The following PLEKHG1 variants were observed in gnomAD, a reference collection of about 807,000 sequenced individuals.
The protein encoded by PLEKHG1 is pleckstrin homology domain-containing family G member 1.
PLEKHG1 carries 44 observed loss-of-function variants against 100.8 expected under a neutral mutation model. The observed-to-expected ratio is 0.44, with a 90% confidence interval of 0.34 to 0.56. PLEKHG1 has a LOEUF of 0.56. Ranked by LOEUF, PLEKHG1 falls within the 20% of genes least tolerant of loss-of-function variation. The pLI is 0.01. For missense variants in PLEKHG1, 1,545 were observed against 1,720.9 expected (o/e 0.90, Z 1.81); for synonymous variants, 640 against 662.5 (o/e 0.97, Z 0.52).
chr6:150,715,988 G>A (rs1469867334), intron 3 of PLEKHG1, among the ~76,000 whole-genome samples: 2 of 148,900 alleles, frequency 1.3e-5, no homozygotes, highest in Non-Finnish European at 3.0e-5. Context: ...GGCGCCTGTA[G>A]TCCCAGCTAC....
chr6:150,795,731 A>C lies in PLEKHG1; in HGVS notation c.583-125A>C, dbSNP rs182888515. 2,706 of 404,996 alleles carry C rather than the reference A, an allele frequency of 6.7e-3. 13 individuals carry two copies. The highest frequency in any genetic ancestry group is 0.014 in the South Asian group (178 of 12,388). The allele number at this position is 404,996 out of a possible 1,614,324, so 25.1% of individuals were successfully genotyped here. On this transcript the variant is annotated intron_variant, in intron 4 of 15. Transcript: ENST00000358517. ...GAGCAAAACTCCGCCTAAAAAAAAA[A>C]ACAAAAAACATATATATATATATAT...
chr6:150,821,112 A>AATCT lies in PLEKHG1; in HGVS notation c.1409-83_1409-82insATCT. 7.7e-6 allele frequency: 8 copies of AATCT among 1,043,640 alleles called. No individual in the cohort carries two copies. The South Asian group carries it at 1.1e-4, about 14-fold the overall frequency. The allele number at this position is 1,043,640 out of a possible 1,614,324, so 64.6% of individuals were successfully genotyped here. ...TATAGAGCTCTGTTAATCTGTCAAT[A>AATCT]GGCTCATAATCCTCTTATAAAGAAT... On this transcript the variant is annotated intron_variant, in intron 12 of 15. Transcript: ENST00000358517.
At chr6:150,807,693 G>A (rs966538426) in intron 7 of PLEKHG1, among the ~76,000 whole-genome samples, 1 of 152,128 alleles carries the variant, frequency 6.6e-6, no homozygotes, top group South Asian at 2.1e-4. Flanking sequence ...TAAGATCTAG[G>A]CCAGGCGCCG....
chr6:150,839,534 A>G (rs1208264500), intron 15 of PLEKHG1, among the ~76,000 whole-genome samples: 1 of 152,206 alleles, frequency 6.6e-6, no homozygotes, highest in East Asian at 1.9e-4. Flanking sequence ...GCTTATAAAG[A>G]ACACTAGAAA....
At chr6:150,609,555 G>A (rs562894783) in intron 1 of PLEKHG1, among the ~76,000 whole-genome samples, 43 of 152,252 alleles carry the variant, frequency 2.8e-4, no homozygotes, top group African/African-American at 8.9e-4. Context: ...GGAGAAGCAG[G>A]CATGGCTGGG....
intron 15 of PLEKHG1, among the ~76,000 whole-genome samples, chr6:150,833,708 T>C (rs768852971): frequency 6.6e-6 from 1 of 152,216 alleles, no homozygotes; most frequent in Non-Finnish European, 1.5e-5. Flanking sequence ...GCCTTTCAAA[T>C]AGTATGCCCT....
upstream of PLEKHG1, among the ~76,000 whole-genome samples, chr6:150,717,005 C>T (rs114547523): frequency 6.8e-3 from 1,039 of 152,072 alleles, 9 homozygotes; most frequent in African/African-American, 0.024. Flanking sequence ...ACATACACCA[C>T]CCTGCCCAGC....
At chr6:150,821,878 G>A (rs1264135355) in intron 13 of PLEKHG1, among the ~76,000 whole-genome samples, 2 of 148,590 alleles carry the variant, frequency 1.3e-5, no homozygotes, top group Non-Finnish European at 3.0e-5. Context: ...TCTTGCTCTT[G>A]TTGCCCAGGC....
chr6:150,738,107 C>A (rs1230471921), intron 2 of PLEKHG1, among the ~76,000 whole-genome samples: 4 of 152,066 alleles, frequency 2.6e-5, no homozygotes, highest in Non-Finnish European at 5.9e-5. Context: ...AGCCACTGAG[C>A]CCAGCCTTAG....
intron 1 of PLEKHG1, among the ~76,000 whole-genome samples, chr6:150,732,001 G>C (rs1039636398): frequency 7.2e-6 from 1 of 139,110 alleles, no homozygotes; most frequent in African/African-American, 2.7e-5. Flanking sequence ...TCTCTCTGTC[G>C]CCCAGTCTGG....
chr6:150,689,768 T>A (rs1780273023), intron 3 of PLEKHG1, among the ~76,000 whole-genome samples: 1 of 149,788 alleles, frequency 6.7e-6, no homozygotes, highest in Non-Finnish European at 1.5e-5. Context: ...GGCAGGAGAA[T>A]CACTTGAACC....
At chr6:150,790,459 C>A (rs1785901877) in intron 4 of PLEKHG1, among the ~76,000 whole-genome samples, 1 of 152,156 alleles carries the variant, frequency 6.6e-6, no homozygotes, top group African/African-American at 2.4e-5. Context: ...ACACTCATAA[C>A]TGTAGGAAAA....
At chr6:150,684,493 T>G (rs1450487246) in intron 3 of PLEKHG1, among the ~76,000 whole-genome samples, 1 of 152,218 alleles carries the variant, frequency 6.6e-6, no homozygotes, top group Non-Finnish European at 1.5e-5. Flanking sequence ...ATATGCTGTC[T>G]GGTGGCTGAT....
chr6:150,682,498 G>A (rs1464741101), intron 3 of PLEKHG1, among the ~76,000 whole-genome samples: 2 of 151,868 alleles, frequency 1.3e-5, no homozygotes, highest in Admixed American at 6.6e-5. Flanking sequence ...CTTTCCACCC[G>A]GCCAGGTTCT....
intron 2 of PLEKHG1, among the ~76,000 whole-genome samples, chr6:150,642,075 G>A (rs1778293173): frequency 6.6e-6 from 1 of 151,410 alleles, no homozygotes; most frequent in South Asian, 2.1e-4. Context: ...AGATTTTAAA[G>A]TTATCTCCTA....
intron 5 of PLEKHG1, among the ~76,000 whole-genome samples, chr6:150,797,230 C>T (rs1203424518): frequency 6.6e-6 from 1 of 152,058 alleles, no homozygotes; most frequent in African/African-American, 2.4e-5. Context: ...GTAGACAGGT[C>T]CCTGACGATA....
intron 1 of PLEKHG1, among the ~76,000 whole-genome samples, chr6:150,604,475 C>A (rs114663478): frequency 1.4e-4 from 21 of 152,318 alleles, no homozygotes; most frequent in African/African-American, 4.8e-4. Context: ...AAAAACCAAT[C>A]TTTGCTCACA....
chr6:150,612,433 G>T (rs139767700), intron 1 of PLEKHG1, among the ~76,000 whole-genome samples: 1 of 152,010 alleles, frequency 6.6e-6, no homozygotes, highest in South Asian at 2.1e-4. Context: ...CCCGGATTCC[G>T]GCAATTCTCC....
intron 3 of PLEKHG1, among the ~76,000 whole-genome samples, chr6:150,779,912 G>A (rs1053226585): frequency 1.3e-5 from 2 of 149,714 alleles, no homozygotes; most frequent in Non-Finnish European, 3.0e-5. Flanking sequence ...GCAGTGAGCC[G>A]AGATCACACT....
Sources: gnomAD v4.1 joint callset for allele counts (sites outside exome capture counted in the v4.1 genomes callset) on GRCh38, gnomAD v4.1.1 for gene constraint, MANE v1.5 for transcripts, NCBI Gene and HGNC (gene_info 2026-07-23, HGNC 2026-07-21) for gene names.